CP: variants seen among roughly 807,000 people sequenced by gnomAD.
CP encodes the protein caeruloplasmin.
CP carries 64 observed loss-of-function variants against 122.4 expected under a neutral mutation model. That is an observed-to-expected ratio of 0.52 (90% CI 0.43 to 0.64). CP has a LOEUF of 0.64. CP is among the 30% of genes least tolerant of loss of function. The probability of loss-of-function intolerance (pLI) is 0.00; values close to 1 mark genes in which losing one functional copy is unlikely to be tolerated. For synonymous variants in CP, 440 were observed against 436.4 expected, an observed-to-expected ratio of 1.01 and a Z score of -0.10; for missense variants, 1,167 against 1,284.4, an observed-to-expected ratio of 0.91 and a Z score of 1.40.
At chr3:149,168,579 G>T (rs1205988541), downstream of CP, 1 of 152,254 alleles carries the variant, frequency 6.6e-6, no homozygotes, top group Non-Finnish European at 1.5e-5. Context: ...TAAAATATTA[G>T]AAATTGACAG....
intron 14 of CP, 145 bp downstream of exon 14, chr3:149,181,858 TAC>T: frequency 2.3e-6 from 2 of 888,152 alleles, no homozygotes; most frequent in East Asian, 2.6e-5. Context: ...TGTACTTGCA[TAC>T]ACACAGACAC....
At chr3:149,181,973 T>TGCGGGGGGGGGGGGGGC in intron 14 of CP, 32 bp downstream of exon 14, 2 of 1,375,574 alleles carry the variant, frequency 1.5e-6, no homozygotes, top group Non-Finnish European at 2.1e-6. Flanking sequence ...CCTGTTAAAA[T>TGCGGGGGGGGGGGGGGC]GCACCACCCC....
At chr3:149,167,340 C>A in intron 4 of CP, 1 of 909,554 alleles carries the variant, frequency 1.1e-6, no homozygotes, top group Non-Finnish European at 1.7e-6. Flanking sequence ...TATGCTAATC[C>A]AACATCATAA....
At chr3:149,215,090 A>T (rs1728379094) in intron 1 of CP, among the ~76,000 whole-genome samples, 1 of 152,242 alleles carries the variant, frequency 6.6e-6, no homozygotes, top group Non-Finnish European at 1.5e-5. Flanking sequence ...ACTTTACTCC[A>T]TGCTTTACCA....
chr3:149,207,789 A>G (rs1490201341), intron 4 of CP, among the ~76,000 whole-genome samples, 172 bp from the exon 5 acceptor site: 1 of 152,160 alleles, frequency 6.6e-6, no homozygotes, highest in Non-Finnish European at 1.5e-5. Flanking sequence ...GCACTCTTTC[A>G]TTTTGGAACT....
exon 5 of CP, chr3:149,166,046 A>G (rs766707204): frequency 5.5e-5 from 25 of 456,086 alleles, no homozygotes; most frequent in Admixed American, 1.9e-4. Context: ...GAGTCTCAGA[A>G]GATGCTGTAG....
rs768492670 is a variant in CP at position 149,210,260 on chromosome 3, C to T, written c.514G>A (p.Gly172Ser). ...TEEQSPGEGD[G>S]NCVTRIYHSH... is the part of the protein sequence containing the mutation. ...TGGTAAATCCTAGTCACACAATTGC[C>T]ATCTCCTTCCCCAGGACTTTGTTCT... The change falls in exon 3 of 19, where the codon GGC becomes AGC. Residue 172 changes from glycine to serine, a missense_variant. Coordinates refer to ENST00000264613, the MANE Select transcript of CP (RefSeq NM_000096.4). 6.2e-7 allele frequency: 1 copy of T among 1,614,050 alleles called. No homozygotes were observed. Among genetic ancestry groups the T allele is most frequent in the Non-Finnish European group, 8.5e-7 (1 of 1,179,954 alleles).
At position 149,209,299 on chromosome 3, in the gene CP, G is replaced by A; in HGVS notation, c.693C>T (p.Tyr231=). ...AGTAGGTTTTAATGTTGTCTTCTAG[G>A]TACCAGCTGAAATTTTCATCCACCA... ...FSVVDENFSW[Y]LEDNIKTYCS... Residue 231 remains tyrosine (Y), a synonymous_variant, in exon 4 of 19, where the codon TAC becomes TAT. Coordinates refer to ENST00000264613, the MANE Select transcript of CP (RefSeq NM_000096.4). 1.2e-6 allele frequency: 2 copies of A among 1,613,662 alleles called. No individual in the cohort carries two copies. The highest frequency in any genetic ancestry group is 1.7e-6 in the Non-Finnish European group (2 of 1,179,758).
rs928705529 is a variant in CP, at chr3:149,181,858, T to C, written c.2554+147A>G. The C allele has an allele frequency of 8.0e-5, 71 of 888,148 alleles. No homozygotes were observed. The African/African-American group carries it at 1.1e-3, about 14-fold the overall frequency. The allele number at this position is 888,148 out of a possible 1,614,324, so 55.0% of individuals were successfully genotyped here. A position where few individuals can be genotyped will look rare whatever the true frequency, so the allele number is the denominator to read the frequency against. ...GTACAAGCATGTGCATGTACTTGCA[T>C]ACACACAGACACCTCCTTGCATCCC... On this transcript the variant is annotated intron_variant, in intron 14 of 18. Transcript: ENST00000264613.
At chr3:149,206,139 T>G (rs1430543580) in intron 6 of CP, 29 bp downstream of exon 6, 1 of 1,607,384 alleles carries the variant, frequency 6.2e-7, no homozygotes, top group Non-Finnish European at 8.5e-7. Flanking sequence ...GAGCATATTT[T>G]GAAATAGTAC....
At position 149,196,916 on chromosome 3, in the gene CP, C is replaced by T. The variant is rs139646143; in HGVS notation, c.1713+1451G>A. Among the ~76,000 whole-genome samples the T allele has an allele frequency of 6.1e-3, 928 of 152,276 alleles. 4 individuals carry two copies. The highest frequency in any genetic ancestry group is 0.02 in the African/African-American group (839 of 41,542). On this transcript the variant is annotated intron_variant, in intron 9 of 18. Coordinates refer to ENST00000264613, the MANE Select transcript of CP (RefSeq NM_000096.4). ...GAATCACAAAAGAAGTGAATATGCC[C>T]TGCCCCACCTTAACTGATGACATTC... is the stretch of plus-strand genomic sequence containing the variant.
At chr3:149,218,455 A>T (rs1051496406) in intron 1 of CP, among the ~76,000 whole-genome samples, 1 of 152,180 alleles carries the variant, frequency 6.6e-6, no homozygotes, top group Admixed American at 6.5e-5. Flanking sequence ...TTTTAGAAAT[A>T]AATATTATTG....
downstream of CP, chr3:149,168,071 T>C (rs866586844): frequency 1.2e-6 from 1 of 804,454 alleles, no homozygotes; most frequent in Non-Finnish European, 2.2e-6. Context: ...CATGTGATTC[T>C]CAAGTGAAAC....
chr3:149,183,794 T>TAGCCATCTGAGTGC (rs1725949096), intron 12 of CP, among the ~76,000 whole-genome samples, 189 bp from the exon 13 acceptor site: 1 of 152,100 alleles, frequency 6.6e-6, no homozygotes, highest in African/African-American at 2.4e-5. Context: ...AAAGCATACC[T>TAGCCATCTGAGTGC]AGCCATCTGA....
At chr3:149,167,973 A>G (rs1576708907), downstream of CP, 1 of 1,556,772 alleles carries the variant, frequency 6.4e-7, no homozygotes, top group Non-Finnish European at 8.8e-7. Context: ...TCTACCTGTC[A>G]TCATTAAAAG....
At chr3:149,204,238 C>T (rs1727546018) in intron 6 of CP, among the ~76,000 whole-genome samples, 1 of 152,138 alleles carries the variant, frequency 6.6e-6, no homozygotes, top group Non-Finnish European at 1.5e-5. Context: ...TCAGGATTAG[C>T]ATTTTAGGAG....
At chr3:149,199,902 T>C (rs1288537741) in intron 7 of CP, 38 bp from the exon 8 acceptor site, 1 of 1,601,200 alleles carries the variant, frequency 6.2e-7, no homozygotes, top group South Asian at 1.1e-5. Context: ...TTCCTTGGTA[T>C]GTAACATGCA....
chr3:149,165,747 G>C (rs1298928908), intron 5 of CP, among the ~76,000 whole-genome samples: 1 of 152,118 alleles, frequency 6.6e-6, no homozygotes, highest in South Asian at 2.1e-4. Flanking sequence ...CACATGCTTT[G>C]CTCCTTCCTA....
At chr3:149,170,027 C>A (rs1352197785), downstream of CP, among the ~76,000 whole-genome samples, 1 of 152,122 alleles carries the variant, frequency 6.6e-6, no homozygotes, top group Non-Finnish European at 1.5e-5. Context: ...ATTTTCCCAA[C>A]CCTAAATCAG....
Sources: allele counts gnomAD v4.1 joint callset (sites outside exome capture counted in the v4.1 genomes callset), GRCh38; gene constraint gnomAD v4.1.1; transcripts MANE v1.5; gene names NCBI Gene and HGNC (gene_info 2026-07-23, HGNC 2026-07-21).